FER1L6: variants seen among roughly 807,000 people sequenced by gnomAD.
FER1L6 encodes fer-1 like family member 6, also known as fer-1-like protein 6.
Under a neutral mutation model 219.2 loss-of-function variants are expected in FER1L6, and 177 were observed. That is an observed-to-expected ratio of 0.81 (90% CI 0.71 to 0.91). The LOEUF (loss-of-function observed/expected upper bound fraction) is 0.91, where lower values mean the gene tolerates loss of function less well. FER1L6 is among the 40% of genes least tolerant of loss of function. FER1L6 has a pLI of 0.00. For synonymous variants in FER1L6, 768 were observed against 824.3 expected, an observed-to-expected ratio of 0.93 and a Z score of 1.17; for missense variants, 2,153 against 2,259.9, an observed-to-expected ratio of 0.95 and a Z score of 0.96.
chr8:124,031,405 A>C (rs1044056602), intron 18 of FER1L6, among the ~76,000 whole-genome samples: 1 of 152,130 alleles, frequency 6.6e-6, no homozygotes, highest in African/African-American at 2.4e-5. Context: ...ATCTAATGCT[A>C]GTGGACTGAG....
At chr8:124,081,178 A>G (rs1821533759) in intron 32 of FER1L6, among the ~76,000 whole-genome samples, 1 of 152,102 alleles carries the variant, frequency 6.6e-6, no homozygotes, top group Non-Finnish European at 1.5e-5. Flanking sequence ...TATCGCTCCC[A>G]GCCCAGTTCA....
Position 123,943,541 on chromosome 8 carries a change from C to T in FER1L6, c.-7-12451C>T, listed in dbSNP as rs573847031. On this transcript the variant is annotated intron_variant, in intron 1 of 40. Transcript: ENST00000522917. ...GGTAGCCTGCTGTGCTCCACTGAGC[C>T]ACTGAATTCCCAAAGGGAGCTTTCC... Among the ~76,000 whole-genome samples the T allele has an allele frequency of 1.7e-3, 254 of 152,244 alleles. 1 individual carries two copies. Among genetic ancestry groups the T allele is most frequent in the Non-Finnish European group, 3.0e-3 (203 of 68,024 alleles).
intron 2 of FER1L6, among the ~76,000 whole-genome samples, chr8:123,958,847 G>A (rs1304761283): frequency 6.6e-6 from 1 of 151,696 alleles, no homozygotes; most frequent in East Asian, 2.0e-4. Context: ...GCAGGGAGGA[G>A]AGCAGTGCAG....
intron 1 of FER1L6, among the ~76,000 whole-genome samples, chr8:123,856,258 G>A (rs1415245983): frequency 1.6e-5 from 2 of 122,242 alleles, no homozygotes; most frequent in African/African-American, 3.1e-5. Context: ...TGAGATATAT[G>A]TATATATGTG....
At chr8:123,998,267 G>T (rs960186306) in intron 12 of FER1L6, among the ~76,000 whole-genome samples, 3 of 152,174 alleles carry the variant, frequency 2.0e-5, no homozygotes, top group African/African-American at 7.2e-5. Flanking sequence ...GGCTCTTGCA[G>T]AGTTGTAGAG....
At chr8:123,947,608 T>C (rs1394797366) in intron 1 of FER1L6, among the ~76,000 whole-genome samples, 2 of 152,222 alleles carry the variant, frequency 1.3e-5, no homozygotes, top group African/African-American at 4.8e-5. Flanking sequence ...CAACATTCAT[T>C]GAGCCCTGCT....
intron 3 of FER1L6, among the ~76,000 whole-genome samples, chr8:123,965,261 T>G (rs1815485712): frequency 6.6e-6 from 1 of 152,186 alleles, no homozygotes; most frequent in South Asian, 2.1e-4. Context: ...TTGGACTCAA[T>G]TATAATCAGC....
At chr8:124,079,279 G>C (rs1821427565) in intron 32 of FER1L6, among the ~76,000 whole-genome samples, 2 of 152,170 alleles carry the variant, frequency 1.3e-5, no homozygotes, top group African/African-American at 4.8e-5. Flanking sequence ...GCTGGATCTG[G>C]AGCTTCAACT....
intron 1 of FER1L6, among the ~76,000 whole-genome samples, chr8:123,880,019 G>A (rs1444498420): frequency 6.6e-6 from 1 of 152,146 alleles, no homozygotes; most frequent in Non-Finnish European, 1.5e-5. Context: ...GGTAATTTAA[G>A]AGAATTACAA....
chr8:123,987,529 T>C (rs992644293), intron 12 of FER1L6, among the ~76,000 whole-genome samples: 2 of 152,234 alleles, frequency 1.3e-5, no homozygotes, highest in African/African-American at 4.8e-5. Context: ...TAACTCGATG[T>C]GATCCCATTT....
intron 2 of FER1L6, 42 bp from the exon 3 acceptor site, chr8:123,963,235 AT>A (rs1563711030): frequency 1.2e-6 from 2 of 1,610,990 alleles, no homozygotes; most frequent in Middle Eastern, 1.8e-4. Flanking sequence ...TTGCCACCAC[AT>A]GTCAATTTCA....
intron 1 of FER1L6, among the ~76,000 whole-genome samples, chr8:123,952,628 C>T (rs1166312195): frequency 6.6e-6 from 1 of 152,120 alleles, no homozygotes; most frequent in Non-Finnish European, 1.5e-5. Context: ...GATGTGGTGG[C>T]AGCTGCCTTA....
chr8:123,909,586 C>A (rs1813016012), intron 1 of FER1L6, among the ~76,000 whole-genome samples: 2 of 152,104 alleles, frequency 1.3e-5, no homozygotes, highest in Non-Finnish European at 2.9e-5. Context: ...TCATGACTGG[C>A]TACACATAAA....
intron 13 of FER1L6, 27 bp downstream of exon 13, chr8:124,003,374 TC>T: frequency 6.4e-7 from 1 of 1,564,930 alleles, no homozygotes; most frequent in Non-Finnish European, 8.7e-7. Flanking sequence ...GGGAGAACAG[TC>T]AAGGATTTTG....
intron 3 of FER1L6, among the ~76,000 whole-genome samples, chr8:123,964,334 C>G (rs1448876937): frequency 2.6e-5 from 4 of 152,148 alleles, no homozygotes; most frequent in Non-Finnish European, 4.4e-5. Context: ...TTCTTTTTCA[C>G]TCAAAGTTGT....
At chr8:123,911,251 G>T (rs1813042781) in intron 1 of FER1L6, among the ~76,000 whole-genome samples, 1 of 152,176 alleles carries the variant, frequency 6.6e-6, no homozygotes, top group Non-Finnish European at 1.5e-5. Context: ...TACTTGTGAA[G>T]AGTTGATATT....
chr8:124,080,570 G>A (rs1051234104), intron 32 of FER1L6, among the ~76,000 whole-genome samples: 3 of 152,052 alleles, frequency 2.0e-5, no homozygotes, highest in Non-Finnish European at 2.9e-5. Flanking sequence ...CACCTGCCTC[G>A]GCCTCCCAAA....
At chr8:123,908,286 G>C (rs1178670904) in intron 1 of FER1L6, among the ~76,000 whole-genome samples, 1 of 152,198 alleles carries the variant, frequency 6.6e-6, no homozygotes, top group African/African-American at 2.4e-5. Flanking sequence ...TCCTCACCTG[G>C]GGGTGAAGAC....
At chr8:123,956,371 G>A (rs1301445266) in intron 2 of FER1L6, among the ~76,000 whole-genome samples, 1 of 152,236 alleles carries the variant, frequency 6.6e-6, no homozygotes, top group Non-Finnish European at 1.5e-5. Context: ...GAGTGGCTCT[G>A]AGTCTCAGCT....
Sources: gnomAD v4.1 joint callset for allele counts (sites outside exome capture counted in the v4.1 genomes callset) on GRCh38, gnomAD v4.1.1 for gene constraint, MANE v1.5 for transcripts, NCBI Gene and HGNC (gene_info 2026-07-23, HGNC 2026-07-21) for gene names.